NR5A2: variants seen among roughly 807,000 people sequenced by gnomAD.
NR5A2 encodes CYP7A promoter-binding factor.
In NR5A2, 26 loss-of-function variants were observed where a neutral mutation model predicts 62.7. That is an observed-to-expected ratio of 0.41 (90% confidence interval 0.30 to 0.58). NR5A2 has a LOEUF of 0.58. Ranked by LOEUF, NR5A2 falls within the 20% of genes least tolerant of loss-of-function variation. NR5A2 has a pLI of 0.22. For synonymous variants in NR5A2, 246 were observed against 241.7 expected (o/e 1.02, Z -0.16); for missense variants, 541 against 669.1 (o/e 0.81, Z 2.11).
intron 5 of NR5A2, among the ~76,000 whole-genome samples, chr1:200,097,409 T>G (rs886251582): frequency 6.6e-6 from 1 of 152,208 alleles, no homozygotes; most frequent in African/African-American, 2.4e-5. Flanking sequence ...CTGTTAGAAA[T>G]GCATTCCTTT....
chr1:200,130,948 T>C (rs895074764), intron 7 of NR5A2, among the ~76,000 whole-genome samples: 1 of 152,254 alleles, frequency 6.6e-6, no homozygotes, highest in Non-Finnish European at 1.5e-5. Flanking sequence ...AGTGTTTACC[T>C]TTTCATATGT....
chr1:200,063,645 T>C (rs1439320930), intron 5 of NR5A2, among the ~76,000 whole-genome samples: 2 of 152,204 alleles, frequency 1.3e-5, no homozygotes, highest in Non-Finnish European at 2.9e-5. Flanking sequence ...TTTGAAAGGA[T>C]CAAACCACAT....
chr1:200,146,887 T>C (rs1667723794), intron 7 of NR5A2, among the ~76,000 whole-genome samples: 1 of 152,102 alleles, frequency 6.6e-6, no homozygotes. Flanking sequence ...ATATGACTCA[T>C]ATTCCCTTGT....
At position 200,074,736 on chromosome 1, in the gene NR5A2, C is replaced by CAAAAA. The variant is rs199556915; in HGVS notation, c.1110+25934_1110+25938dup. Reference sequence around the variant, plus strand: ...TGGGCGACAGGGCGAGAGTCCATCTCAAAAAAAAAAAAAAAAAAAACACGA... The same window carrying CAAAAA: ...TGGGCGACAGGGCGAGAGTCCATCTCAAAAAAAAAAAAAAAAAAAAAAAAACACGA... On this transcript the variant is annotated intron_variant, in intron 5 of 7. Coordinates refer to ENST00000367362, the MANE Select transcript of NR5A2 (RefSeq NM_205860.3). 5.5e-4 allele frequency among the ~76,000 whole-genome samples: 37 copies of CAAAAA among 67,538 alleles called. 3 individuals are homozygous for CAAAAA. Among genetic ancestry groups the CAAAAA allele is most frequent in the East Asian group, 3.3e-3 (5 of 1,498 alleles). The allele number at this position is 67,538 out of a possible 152,430, so 44.3% of individuals were successfully genotyped here.
chr1:200,076,532 T>G (rs1451936974), intron 5 of NR5A2, among the ~76,000 whole-genome samples: 1 of 152,184 alleles, frequency 6.6e-6, no homozygotes, highest in Non-Finnish European at 1.5e-5. Flanking sequence ...ATTAAAAATT[T>G]TAGGTTAACT....
chr1:200,055,172 G>A (rs2821379), intron 5 of NR5A2, among the ~76,000 whole-genome samples: 46,253 of 151,190 alleles, frequency 0.31, 9,163 homozygotes, highest in African/African-American at 0.57. Flanking sequence ...TGGAATTAAG[G>A]CATAACCCAC....
At position 200,048,713 on chromosome 1, in the gene NR5A2, G is replaced by A. The variant is rs1477047282; in HGVS notation, c.1005G>A (p.Lys335=). The change falls in exon 5 of 8, where the codon AAG becomes AAA. Residue 335 remains lysine, a synonymous_variant. Transcript: ENST00000367362. The surrounding 1 kb of genome is among the most constrained non-coding windows in gnomAD (Gnocchi z 4.8). The part of the protein sequence containing the change: ...YLQQEQANRS[K]HEKLSTFGLM... The stretch of plus-strand genomic sequence containing the variant: ...AGCAAGAGCAGGCTAACCGAAGCAA[G>A]CACGAAAAGCTGAGCACCTTTGGGC... The A allele has an allele frequency of 6.2e-7, 1 of 1,614,072 alleles. No individual in the cohort carries two copies. Among genetic ancestry groups the A allele is most frequent in the Admixed American group, 1.7e-5 (1 of 60,006 alleles).
chr1:200,059,946 A>T (rs1243074931), intron 5 of NR5A2, among the ~76,000 whole-genome samples: 1 of 152,196 alleles, frequency 6.6e-6, no homozygotes, highest in Admixed American at 6.5e-5. Context: ...CAAAAATGAC[A>T]TAAACCACGT....
At chr1:200,144,973 G>A (rs758233733) in intron 7 of NR5A2, among the ~76,000 whole-genome samples, 2 of 152,084 alleles carry the variant, frequency 1.3e-5, no homozygotes, top group Non-Finnish European at 2.9e-5. Context: ...TTTAAACCTC[G>A]TTGCTCATCA....
chr1:200,058,423 A>G (rs1439480391), intron 5 of NR5A2: 7 of 152,124 alleles, frequency 4.6e-5, no homozygotes, highest in Admixed American at 1.3e-4. Context: ...TTTTTTACCG[A>G]AGAGAGTGGT....
chr1:200,063,740 A>C (rs1165770370), intron 5 of NR5A2, among the ~76,000 whole-genome samples: 6 of 152,240 alleles, frequency 3.9e-5, no homozygotes, highest in Non-Finnish European at 8.8e-5. Context: ...TTTCAGCCAT[A>C]AATGGGTAGT....
At chr1:200,145,048 A>G (rs1335437134) in intron 7 of NR5A2, among the ~76,000 whole-genome samples, 2 of 152,176 alleles carry the variant, frequency 1.3e-5, no homozygotes, top group African/African-American at 4.8e-5. Context: ...GCAGTGGCTC[A>G]CACCTGTAAT....
Position 200,039,409 on chromosome 1 carries a change from C to A in NR5A2, c.65-249C>A, listed in dbSNP as rs996098423. On this transcript the variant is annotated intron_variant, in intron 1 of 7. Transcript: ENST00000367362. The surrounding 1 kb of genome is among the most constrained non-coding windows in gnomAD (Gnocchi z 5.1). Reference sequence around the variant, plus strand: ...GCGTCCTCGCCACCGCCGCCGCCTGCGCCCTTGCGGAGCCGAACCAGAGGG... The same window carrying A: ...GCGTCCTCGCCACCGCCGCCGCCTGAGCCCTTGCGGAGCCGAACCAGAGGG... 6.6e-6 allele frequency among the ~76,000 whole-genome samples: 1 copy of A among 151,954 alleles called. No individual in the cohort carries two copies. The highest frequency in any genetic ancestry group is 1.5e-5 in the Non-Finnish European group (1 of 67,968).
intron 5 of NR5A2, among the ~76,000 whole-genome samples, chr1:200,076,519 T>A (rs1664048289): frequency 6.6e-6 from 1 of 151,822 alleles, no homozygotes; most frequent in Non-Finnish European, 1.5e-5. Flanking sequence ...AGAGCATTAG[T>A]GGATTAAAAA....
chr1:200,139,293 C>T (rs1312452119), intron 7 of NR5A2, among the ~76,000 whole-genome samples: 1 of 152,152 alleles, frequency 6.6e-6, no homozygotes, highest in Admixed American at 6.5e-5. Flanking sequence ...TATCTTCAAC[C>T]TTCTGTGTAG....
At chr1:200,083,623 GTA>G (rs998931290) in intron 5 of NR5A2, among the ~76,000 whole-genome samples, 1 of 150,632 alleles carries the variant, frequency 6.6e-6, no homozygotes, top group Non-Finnish European at 1.5e-5. Context: ...CACAGTTGAA[GTA>G]TATATATATA....
At chr1:200,078,232 A>C (rs950203249) in intron 5 of NR5A2, among the ~76,000 whole-genome samples, 2 of 152,218 alleles carry the variant, frequency 1.3e-5, no homozygotes, top group African/African-American at 4.8e-5. Flanking sequence ...GGTCCACTAA[A>C]GACTTCAATA....
chr1:200,088,318 C>T (rs748390384), intron 5 of NR5A2, among the ~76,000 whole-genome samples: 8 of 151,876 alleles, frequency 5.3e-5, no homozygotes, highest in Admixed American at 2.0e-4. Context: ...AGTGCAGTCG[C>T]GCGATCCTGG....
chr1:200,082,909 T>C (rs931061088), intron 5 of NR5A2, among the ~76,000 whole-genome samples: 7 of 152,166 alleles, frequency 4.6e-5, no homozygotes, highest in African/African-American at 1.7e-4. Context: ...ATTTTTTTTC[T>C]GGAACTAAGA....
Sources: gnomAD v4.1 joint callset for allele counts (sites outside exome capture counted in the v4.1 genomes callset) on GRCh38, gnomAD v4.1.1 for gene constraint, Gnocchi (gnomAD v3.1) non-coding constraint, MANE v1.5 for transcripts, NCBI Gene and HGNC (gene_info 2026-07-23, HGNC 2026-07-21) for gene names.